Variants in EYS observed in about 807,000 individuals in gnomAD.
The protein encoded by EYS is EGF-like photoreceptor maintenance factor, also known as protein eyes shut homolog.
In EYS, 250 loss-of-function variants were observed where a neutral mutation model predicts 282.1. The ratio of observed to expected loss-of-function variants is 0.89; its 90% confidence interval spans 0.80 to 0.98. EYS has a LOEUF of 0.98. Ranked by LOEUF, EYS falls within the 50% of genes least tolerant of loss-of-function variation. The probability of loss-of-function intolerance (pLI) is 0.00; values close to 1 mark genes in which losing one functional copy is unlikely to be tolerated. For missense variants in EYS, 4,016 were observed against 3,709.0 expected, an observed-to-expected ratio of 1.08 and a Z score of -2.15; for synonymous variants, 1,355 against 1,282.9, an observed-to-expected ratio of 1.06 and a Z score of -1.20.
chr6:63,727,412 AG>A (rs1768653634), intron 41 of EYS, among the ~76,000 whole-genome samples: 1 of 151,886 alleles, frequency 6.6e-6, no homozygotes, highest in African/African-American at 2.4e-5. Context: ...AATAATTGGT[AG>A]GTGTTTATCC....
At chr6:63,758,058 C>G (rs1167344911) in intron 41 of EYS, among the ~76,000 whole-genome samples, 1 of 152,058 alleles carries the variant, frequency 6.6e-6, no homozygotes, top group Non-Finnish European at 1.5e-5. Flanking sequence ...CACGAACACA[C>G]CTGGCTAATT....
At chr6:65,142,078 C>T (rs1272743242) in intron 12 of EYS, among the ~76,000 whole-genome samples, 2 of 152,008 alleles carry the variant, frequency 1.3e-5, no homozygotes, top group Non-Finnish European at 1.5e-5. Flanking sequence ...GATCTTTCAA[C>T]TTGTTCATTG....
intron 14 of EYS, among the ~76,000 whole-genome samples, chr6:64,970,298 A>G (rs529447499): frequency 6.6e-6 from 1 of 152,302 alleles, no homozygotes; most frequent in Admixed American, 6.5e-5. Flanking sequence ...ACAAACACAG[A>G]TCATACATAG....
chr6:63,972,984 G>A (rs1276788970), intron 35 of EYS, among the ~76,000 whole-genome samples: 1 of 152,090 alleles, frequency 6.6e-6, no homozygotes, highest in Non-Finnish European at 1.5e-5. Context: ...TGTGAATAGT[G>A]CTGCAATAAA....
chr6:64,446,041 C>T (rs1347500150), intron 26 of EYS, among the ~76,000 whole-genome samples: 1 of 152,210 alleles, frequency 6.6e-6, no homozygotes, highest in African/African-American at 2.4e-5. Flanking sequence ...AAGATATTAA[C>T]TTTCATCTTC....
chr6:64,781,548 G>A (rs1773861830), intron 22 of EYS, among the ~76,000 whole-genome samples: 1 of 140,014 alleles, frequency 7.1e-6, no homozygotes. Context: ...CTGCACTCCA[G>A]CCTGGGCGAC....
intron 22 of EYS, among the ~76,000 whole-genome samples, chr6:64,711,285 A>G (rs563375883): frequency 9.8e-5 from 15 of 152,330 alleles, no homozygotes; most frequent in African/African-American, 3.6e-4. Context: ...AAAATAGAAA[A>G]TATATCTTTG....
At chr6:65,688,667 A>T (rs187005656) in intron 1 of EYS, among the ~76,000 whole-genome samples, 1 of 152,206 alleles carries the variant, frequency 6.6e-6, no homozygotes, top group African/African-American at 2.4e-5. Context: ...GAACTGAAAC[A>T]AATTTACAAG....
intron 12 of EYS, among the ~76,000 whole-genome samples, chr6:65,224,180 C>A (rs981484023): frequency 2.0e-5 from 3 of 151,928 alleles, no homozygotes; most frequent in Admixed American, 1.3e-4. Context: ...CCACAGCAGT[C>A]TCAAAATATT....
chr6:64,837,326 A>G (rs1193267039), intron 19 of EYS, among the ~76,000 whole-genome samples: 4 of 151,500 alleles, frequency 2.6e-5, no homozygotes, highest in African/African-American at 9.7e-5. Context: ...GAAGAAACAC[A>G]CTTCAGCAAA....
At chr6:63,724,230 G>A (rs115151463) in intron 42 of EYS, among the ~76,000 whole-genome samples, 1,803 of 152,220 alleles carry the variant, frequency 0.012, 30 homozygotes, top group African/African-American at 0.042. Flanking sequence ...CATGGCTGAG[G>A]CTTCTCCCAC....
At chr6:64,192,588 C>A (rs377271888) in intron 31 of EYS, among the ~76,000 whole-genome samples, 265 of 152,136 alleles carry the variant, frequency 1.7e-3, no homozygotes, top group African/African-American at 5.8e-3. Context: ...GGAAAGGATT[C>A]CCTATTTAAT....
chr6:64,200,911 G>C (rs2150322269), intron 31 of EYS, among the ~76,000 whole-genome samples: 1 of 151,944 alleles, frequency 6.6e-6, no homozygotes, highest in East Asian at 1.9e-4. Context: ...CATTCATATA[G>C]GTCTTTTTAC....
chr6:65,017,936 C>T (rs1772107363), intron 13 of EYS, among the ~76,000 whole-genome samples: 1 of 152,148 alleles, frequency 6.6e-6, no homozygotes, highest in African/African-American at 2.4e-5. Context: ...GAATCTCAAG[C>T]CTCTGTTGAA....
chr6:64,191,973 C>T (rs1044870374), intron 31 of EYS, among the ~76,000 whole-genome samples: 9 of 146,200 alleles, frequency 6.2e-5, no homozygotes, highest in Non-Finnish European at 1.2e-4. Flanking sequence ...TATTTCTCCA[C>T]ATCCTCTCCA....
chr6:64,975,239 T>G (rs1770438236), intron 14 of EYS, among the ~76,000 whole-genome samples: 1 of 151,782 alleles, frequency 6.6e-6, no homozygotes, highest in Non-Finnish European at 1.5e-5. Flanking sequence ...AACGATAATT[T>G]TGTTTTTGAC....
intron 31 of EYS, among the ~76,000 whole-genome samples, chr6:64,086,655 A>G (rs1411072322): frequency 5.3e-5 from 8 of 152,192 alleles, no homozygotes; most frequent in Non-Finnish European, 8.8e-5. Flanking sequence ...AACTCCTCAA[A>G]GCATTGTATC....
At chr6:65,349,120 C>T (rs1398589393) in intron 9 of EYS, among the ~76,000 whole-genome samples, 4 of 151,440 alleles carry the variant, frequency 2.6e-5, no homozygotes, top group South Asian at 2.1e-4. Context: ...TTCTAATAAT[C>T]GGAGATGGCA....
At chr6:65,528,505 C>G (rs1767649607) in intron 2 of EYS, among the ~76,000 whole-genome samples, 1 of 152,180 alleles carries the variant, frequency 6.6e-6, no homozygotes, top group African/African-American at 2.4e-5. Flanking sequence ...GGGCTCTACC[C>G]TCCTGAGAGG....
Sources: allele counts gnomAD v4.1 joint callset (sites outside exome capture counted in the v4.1 genomes callset), GRCh38; gene constraint gnomAD v4.1.1; transcripts MANE v1.5; gene names NCBI Gene and HGNC (gene_info 2026-07-23, HGNC 2026-07-21).